The following NCEH1 variants were observed in gnomAD, a reference collection of about 807,000 sequenced individuals.
The protein encoded by NCEH1 is 2-acetyl MAGE hydrolase.
In NCEH1, 9 loss-of-function variants were observed where a neutral mutation model predicts 25.4. The ratio of observed to expected loss-of-function variants is 0.35; its 90% CI spans 0.21 to 0.62. The LOEUF is 0.62. NCEH1 is among the 20% of genes least tolerant of loss of function. NCEH1 has a pLI of 0.72. For missense variants in NCEH1, 412 were observed against 501.1 expected (o/e 0.82, Z 1.70); for synonymous variants, 200 against 199.8 (o/e 1.00, Z -0.01).
At chr3:172,683,912 A>T (rs1201134522) in intron 1 of NCEH1, among the ~76,000 whole-genome samples, 1 of 152,244 alleles carries the variant, frequency 6.6e-6, no homozygotes, top group African/African-American at 2.4e-5. Context: ...GTGTTACTTA[A>T]TATTATCAAA....
At chr3:172,653,198 G>A (rs1307937546) in intron 1 of NCEH1, among the ~76,000 whole-genome samples, 1 of 152,072 alleles carries the variant, frequency 6.6e-6, no homozygotes, top group African/African-American at 2.4e-5. Context: ...AGATGGAAGG[G>A]GATAAAGGGT....
chr3:172,663,574 C>G (rs948518455), intron 1 of NCEH1, among the ~76,000 whole-genome samples: 13 of 152,230 alleles, frequency 8.5e-5, no homozygotes, highest in African/African-American at 3.1e-4. Context: ...TAAAGTCTCC[C>G]AATATTATTG....
rs777876515 is a variant in NCEH1, at chr3:172,645,652, C to T, written c.408G>A (p.Glu136=). 4 of 1,603,262 alleles carry T rather than the reference C, an allele frequency of 2.5e-6. No homozygotes were observed. The East Asian group carries it at 9.0e-5, about 36-fold the overall frequency. ...TGGAAACAATGACAGCATTCAATTC[C>T]TCAGCCATTGCTGTACACAGCTCAT... is the stretch of plus-strand genomic sequence containing the variant. The part of the protein sequence containing the change: ...YYDELCTAMA[E]ELNAVIVSIE... The change falls in exon 3 of 5, where the codon GAG becomes GAA. Residue 136 remains glutamate (E), a synonymous_variant. Transcript: ENST00000475381.
intron 1 of NCEH1, among the ~76,000 whole-genome samples, chr3:172,688,348 A>AG (rs768011628): frequency 5.3e-5 from 8 of 151,462 alleles, no homozygotes; most frequent in Middle Eastern, 3.4e-3. Context: ...AAAAAAAAAA[A>AG]AAAAGAAAAT....
intron 3 of NCEH1, among the ~76,000 whole-genome samples, chr3:172,638,186 TA>T (rs978268311): frequency 1.6e-5 from 2 of 127,292 alleles, no homozygotes; most frequent in Non-Finnish European, 3.2e-5. Context: ...CTAAATGCAA[TA>T]AAAAAACTCC....
At chr3:172,694,396 G>GTC (rs760398388) in intron 1 of NCEH1, among the ~76,000 whole-genome samples, 10,826 of 69,758 alleles carry the variant, frequency 0.16, 894 homozygotes, top group African/African-American at 0.43. Flanking sequence ...GTGTGTGTCT[G>GTC]TGTGTGTGTG....
Position 172,653,759 on chromosome 3 carries a change from TG to T in NCEH1, c.139-5646del, listed in dbSNP as rs1449050552. Among the ~76,000 whole-genome samples, 38 of 71,540 alleles carry T rather than the reference TG, an allele frequency of 5.3e-4. 1 individual carries two copies. Among genetic ancestry groups the T allele is most frequent in the African/African-American group, 1.7e-3 (34 of 20,454 alleles). 46.9% of individuals were successfully genotyped at this position (71,540 alleles called of 152,430 possible). The stretch of plus-strand genomic sequence containing the variant: ...TGTTTTTTTTGTTTTTTTGTTTTTT[TG>T]TTTTTTTTTTTTTTTGAGACAGAGT... On this transcript the variant is annotated intron_variant, in intron 1 of 4. Transcript: ENST00000475381.
chr3:172,672,777 A>G lies in NCEH1; in HGVS notation c.139-24663T>C, dbSNP rs146270237. 4.9e-3 allele frequency among the ~76,000 whole-genome samples: 748 copies of G among 152,344 alleles called. 3 individuals carry two copies. The highest frequency in any genetic ancestry group is 8.7e-3 in the Non-Finnish European group (589 of 68,024). The stretch of plus-strand genomic sequence containing the variant: ...AGGCTGGCAAAGTCCAGGAGCCCCA[A>G]GATGCATCCATTAGTTGCTATCAGT... On this transcript the variant is annotated intron_variant, in intron 1 of 4. Coordinates refer to ENST00000475381, the MANE Select transcript of NCEH1 (RefSeq NM_020792.6).
chr3:172,662,329 T>G (rs921027612), intron 1 of NCEH1, among the ~76,000 whole-genome samples: 1 of 152,206 alleles, frequency 6.6e-6, no homozygotes, highest in Non-Finnish European at 1.5e-5. Context: ...AACTTGATCG[T>G]GGTGGATAAG....
At chr3:172,663,075 T>C (rs1718042810) in intron 1 of NCEH1, among the ~76,000 whole-genome samples, 1 of 152,246 alleles carries the variant, frequency 6.6e-6, no homozygotes, top group East Asian at 1.9e-4. Flanking sequence ...TTTAGATCTT[T>C]CCTGCTTTCT....
intron 1 of NCEH1, among the ~76,000 whole-genome samples, chr3:172,709,793 T>C (rs544437842): frequency 1.3e-5 from 2 of 152,356 alleles, no homozygotes; most frequent in East Asian, 1.9e-4. Flanking sequence ...TTTTTTTCTC[T>C]TTCTCTAGTT....
intron 1 of NCEH1, among the ~76,000 whole-genome samples, chr3:172,695,895 G>T (rs536459905): frequency 6.6e-6 from 1 of 152,068 alleles, no homozygotes; most frequent in Non-Finnish European, 1.5e-5. Flanking sequence ...AATGAGCTGA[G>T]ATGGCACCAC....
intron 1 of NCEH1, among the ~76,000 whole-genome samples, chr3:172,707,115 T>C (rs1329078909): frequency 2.0e-5 from 3 of 152,200 alleles, no homozygotes; most frequent in African/African-American, 7.2e-5. Flanking sequence ...CTAACATACA[T>C]TTTCTCCAGC....
chr3:172,709,498 A>G (rs1714185213), intron 1 of NCEH1, among the ~76,000 whole-genome samples: 3 of 152,182 alleles, frequency 2.0e-5, no homozygotes, highest in Admixed American at 2.0e-4. Context: ...TCACCATGTC[A>G]ACATTATAGG....
chr3:172,707,662 T>G (rs1714082256), intron 1 of NCEH1, among the ~76,000 whole-genome samples: 1 of 151,988 alleles, frequency 6.6e-6, no homozygotes, highest in African/African-American at 2.4e-5. Flanking sequence ...CTCGGCCCAC[T>G]GCAAGCTCCA....
intron 3 of NCEH1, 155 bp from the exon 4 acceptor site, chr3:172,636,242 AAAT>A: frequency 2.1e-6 from 1 of 478,432 alleles, no homozygotes; most frequent in Non-Finnish European, 3.6e-6. Context: ...TAAAATATAA[AAAT>A]AAACCATTTT....
chr3:172,683,382 G>A lies in NCEH1; in HGVS notation c.138+27465C>T, dbSNP rs1239200856. Among the ~76,000 whole-genome samples the A allele has an allele frequency of 1.5e-4, 7 of 46,218 alleles. 1 individual carries two copies. The East Asian group carries it at 1.5e-3, about 10-fold the overall frequency. The allele number at this position is 46,218 out of a possible 152,430, so 30.3% of individuals were successfully genotyped here. On this transcript the variant is annotated intron_variant, in intron 1 of 4. Transcript: ENST00000475381. ...CCCGCCACTGCACTCCAGCCTGGGC[G>A]ACAGAGCGAGACTCCGTCTCAAAAA...
At chr3:172,640,505 T>A (rs580614) in intron 3 of NCEH1, among the ~76,000 whole-genome samples, 25,013 of 151,182 alleles carry the variant, frequency 0.17, 2,489 homozygotes, top group Non-Finnish European at 0.22. Flanking sequence ...TATTTATTTA[T>A]TTTATTTATT....
chr3:172,668,061 A>G (rs527954445), intron 1 of NCEH1, among the ~76,000 whole-genome samples: 2 of 152,344 alleles, frequency 1.3e-5, no homozygotes, highest in South Asian at 4.1e-4. Context: ...TGATTGGTAC[A>G]TAAAAGCTTT....
Sources: gnomAD v4.1 joint callset for allele counts (sites outside exome capture counted in the v4.1 genomes callset) on GRCh38, gnomAD v4.1.1 for gene constraint, MANE v1.5 for transcripts, NCBI Gene and HGNC (gene_info 2026-07-23, HGNC 2026-07-21) for gene names.